PKD1L1: variants seen among roughly 807,000 people sequenced by gnomAD.
The protein encoded by PKD1L1 is polycystin-1-like protein 1.
A neutral mutation model predicts 323.4 loss-of-function variants in PKD1L1; 236 were observed. The observed-to-expected ratio is 0.73, with a 90% confidence interval of 0.66 to 0.81. PKD1L1 has a LOEUF of 0.81. Ranked by LOEUF, PKD1L1 falls within the 40% of genes least tolerant of loss-of-function variation. The pLI is 0.00. For missense variants in PKD1L1, 3,320 were observed against 3,508.0 expected (o/e 0.95, Z 1.35); for synonymous variants, 1,344 against 1,335.0 (o/e 1.01, Z -0.15).
chr7:47,894,826 C>A (rs1172909488), intron 14 of PKD1L1, among the ~76,000 whole-genome samples: 2 of 150,812 alleles, frequency 1.3e-5, no homozygotes, highest in South Asian at 2.1e-4. Context: ...CCACTACACT[C>A]CAGCCTGGGC....
At chr7:47,819,530 G>A (rs1170269069) in intron 46 of PKD1L1, 1 of 1,358,608 alleles carries the variant, frequency 7.4e-7, no homozygotes, top group Non-Finnish European at 9.8e-7. Flanking sequence ...CACAGGCTGT[G>A]CACTTGCACG....
the PKD1L1 span, among the ~76,000 whole-genome samples, chr7:47,955,392 C>T: frequency 6.6e-6 from 1 of 151,984 alleles, no homozygotes. Flanking sequence ...TACTTTATTA[C>T]AAAGATAGTA....
intron 13 of PKD1L1, among the ~76,000 whole-genome samples, chr7:47,898,523 C>T (rs542885599): frequency 1.4e-4 from 22 of 152,068 alleles, no homozygotes; most frequent in Admixed American, 5.9e-4. Context: ...AGCTTCCAAA[C>T]GTCAAAAATA....
chr7:47,853,777 A>C (rs910010085), intron 30 of PKD1L1, among the ~76,000 whole-genome samples: 23 of 151,882 alleles, frequency 1.5e-4, no homozygotes, highest in Admixed American at 1.1e-3. Flanking sequence ...AAAAAAAAAA[A>C]AAAAAAACAC....
At position 47,813,981 on chromosome 7, in the gene PKD1L1, C is replaced by T. The variant is rs1269068357; in HGVS notation, c.7123G>A (p.Gly2375Ser). The part of the protein sequence containing the change: ...GALGGKCYLI[G>S]SSVIRQLKVF... The stretch of plus-strand genomic sequence containing the variant: ...TTTAGCTGCCTAATTACGGAACTGC[C>T]TATTAGGTAGCATTTTCCTCCAAGA... The change falls in exon 48 of 57, where the codon GGC becomes AGC. Residue 2375 changes from glycine to serine, a missense_variant. Coordinates refer to ENST00000289672, the MANE Select transcript of PKD1L1 (RefSeq NM_138295.5). The T allele has an allele frequency of 6.2e-7, 1 of 1,614,046 alleles. No homozygotes were observed. The highest frequency in any genetic ancestry group is 8.5e-7 in the Non-Finnish European group (1 of 1,180,024).
chr7:47,907,310 AT>A (rs1047940696), intron 9 of PKD1L1, among the ~76,000 whole-genome samples: 20 of 152,254 alleles, frequency 1.3e-4, no homozygotes, highest in African/African-American at 4.8e-4. Flanking sequence ...TGACCCCATC[AT>A]CCCACCCATG....
chr7:47,794,983 CT>C (rs1235002468), intron 55 of PKD1L1, among the ~76,000 whole-genome samples: 8 of 152,150 alleles, frequency 5.3e-5, no homozygotes, highest in African/African-American at 1.9e-4. Context: ...TAGGAAGTAA[CT>C]AACTTATTTT....
At chr7:47,924,491 A>G (rs1787619598) in intron 7 of PKD1L1, among the ~76,000 whole-genome samples, 1 of 152,178 alleles carries the variant, frequency 6.6e-6, no homozygotes, top group Admixed American at 6.5e-5. Context: ...ACATTTTGCA[A>G]CCCTCAGTTA....
chr7:47,922,865 T>C (rs1375898447), intron 7 of PKD1L1, among the ~76,000 whole-genome samples: 1 of 152,234 alleles, frequency 6.6e-6, no homozygotes, highest in East Asian at 1.9e-4. Context: ...GAACGGGCCA[T>C]GATGACGATG....
rs544795414 is a variant in PKD1L1 at position 47,936,934 on chromosome 7, C to T, written c.310G>A (p.Ala104Thr). The part of the protein sequence containing the change: ...QKNIWKTTSE[A>T]ALSVVNEKTQ... ...TTTTCATTAACAACACTTAACGCTGCTTCACTAGTTGTTTTCCAAATGTTC... is the reference window on the plus strand; with the variant it reads ...TTTTCATTAACAACACTTAACGCTGTTTCACTAGTTGTTTTCCAAATGTTC... Residue 104 changes from alanine to threonine, a missense_variant, in exon 4 of 57, where the codon GCA becomes ACA. Transcript: ENST00000289672. The T allele has an allele frequency of 1.5e-4, 246 of 1,611,302 alleles. No homozygotes were observed. The South Asian group carries it at 2.5e-3, about 16-fold the overall frequency.
chr7:47,877,165 G>A lies in PKD1L1; in HGVS notation c.3663+324C>T, dbSNP rs747657446. ...GGCTCCTCTCCTCACTTTGGGTCAC[G>A]TGCCTGCCTTTTTCTTGGGGGCAGC... On this transcript the variant is annotated intron_variant, in intron 22 of 56. Transcript: ENST00000289672. Among the ~76,000 whole-genome samples the A allele has an allele frequency of 5.9e-5, 9 of 152,256 alleles. No homozygotes were observed. In the East Asian group the frequency reaches 1.5e-3, roughly 26 times the overall value.
intron 8 of PKD1L1, among the ~76,000 whole-genome samples, chr7:47,910,826 T>TTTTTTTTGTGTGTG (rs762737755): frequency 7.9e-6 from 1 of 126,082 alleles, no homozygotes; most frequent in African/African-American, 3.3e-5. Flanking sequence ...CCAGCTGATT[T>TTTTTTTTGTGTGTG]TGTGTGTGTG....
the PKD1L1 span, among the ~76,000 whole-genome samples, chr7:47,960,692 T>TTA: frequency 7.4e-6 from 1 of 134,346 alleles, no homozygotes; most frequent in African/African-American, 2.6e-5. Flanking sequence ...TTTTTCTAAT[T>TTA]AAAAAAAAAA....
chr7:47,852,481 C>T (rs1300707849), intron 31 of PKD1L1, among the ~76,000 whole-genome samples: 1 of 152,202 alleles, frequency 6.6e-6, no homozygotes, highest in African/African-American at 2.4e-5. Context: ...CACTGACAGT[C>T]AGAAGCCAGC....
chr7:47,895,520 G>GAC (rs200612385), intron 14 of PKD1L1, among the ~76,000 whole-genome samples: 2,547 of 152,312 alleles, frequency 0.017, 77 homozygotes, highest in African/African-American at 0.057. Flanking sequence ...GGAGGGGTAA[G>GAC]AGGAATTTCA....
chr7:47,904,878 A>C (rs929850212), intron 11 of PKD1L1, among the ~76,000 whole-genome samples: 3 of 152,082 alleles, frequency 2.0e-5, no homozygotes, highest in African/African-American at 7.2e-5. Context: ...TTCTTAGATG[A>C]GGAATTTCTT....
At chr7:47,842,613 T>C (rs1349815112) in intron 34 of PKD1L1, among the ~76,000 whole-genome samples, 1 of 152,152 alleles carries the variant, frequency 6.6e-6, no homozygotes, top group Non-Finnish European at 1.5e-5. Flanking sequence ...CTCCACCAGC[T>C]TCTCTGGGAC....
intron 46 of PKD1L1, among the ~76,000 whole-genome samples, chr7:47,820,688 T>C (rs555713869): frequency 1.1e-4 from 17 of 151,934 alleles, no homozygotes; most frequent in African/African-American, 3.9e-4. Flanking sequence ...GATGGCGCCA[T>C]TGCACTCCAG....
intron 30 of PKD1L1, among the ~76,000 whole-genome samples, chr7:47,853,742 T>A (rs1352037031): frequency 9.0e-6 from 1 of 110,716 alleles, no homozygotes; most frequent in Non-Finnish European, 1.7e-5. Flanking sequence ...AAACTCTGTC[T>A]CAAAAACAAA....
Sources: allele counts gnomAD v4.1 joint callset (sites outside exome capture counted in the v4.1 genomes callset), GRCh38; gene constraint gnomAD v4.1.1; transcripts MANE v1.5; gene names NCBI Gene and HGNC (gene_info 2026-07-23, HGNC 2026-07-21).